The following TRPA1 variants were observed in gnomAD, a reference collection of about 807,000 sequenced individuals.
TRPA1 encodes ankyrin-like with transmembrane domains 1.
Under a neutral mutation model 131.3 loss-of-function variants are expected in TRPA1, and 129 were observed. That is an observed-to-expected ratio of 0.98 (90% CI 0.85 to 1.14). TRPA1 has a LOEUF of 1.14. Among genes scored for constraint, TRPA1 ranks in the 50% most tolerant of loss-of-function variants. TRPA1 has a pLI of 0.00. For synonymous variants in TRPA1, 441 were observed against 451.7 expected (o/e 0.98, Z 0.30); for missense variants, 1,304 against 1,354.2 (o/e 0.96, Z 0.58).
At chr8:72,086,681 T>A in the TRPA1 span, among the ~76,000 whole-genome samples, 1 of 152,226 alleles carries the variant, frequency 6.6e-6, no homozygotes, top group Non-Finnish European at 1.5e-5. Flanking sequence ...TCTTTTAGAA[T>A]TTTTATATTC....
rs145214612 is a variant in TRPA1 at position 72,022,571 on chromosome 8, G to T, written c.*335C>A. ...AAGCAGGAATTCAGTACTGACATTT[G>T]CATTTTAGCTTAATAGTTACATTTA... On this transcript the variant is annotated 3_prime_UTR_variant, in exon 27 of 27. Coordinates refer to ENST00000262209, the MANE Select transcript of TRPA1 (RefSeq NM_007332.3). 3.9e-5 allele frequency: 15 copies of T among 389,006 alleles called. No homozygotes were observed. The East Asian group carries it at 9.2e-4, about 24-fold the overall frequency. The allele number at this position is 389,006 out of a possible 1,614,324, so 24.1% of individuals were successfully genotyped here. A position where few individuals can be genotyped will look rare whatever the true frequency, so the allele number is the denominator to read the frequency against.
chr8:72,046,174 C>A (rs896281222), intron 17 of TRPA1, among the ~76,000 whole-genome samples: 6 of 151,830 alleles, frequency 4.0e-5, no homozygotes, highest in Non-Finnish European at 4.4e-5. Context: ...TCTTATGTGA[C>A]CATTAGAAAT....
At chr8:72,063,068 G>T in intron 5 of TRPA1, 124 bp from the exon 6 acceptor site, 9 of 989,128 alleles carry the variant, frequency 9.1e-6, no homozygotes, top group Non-Finnish European at 1.3e-5. Context: ...ATAAAAGCTT[G>T]TGTTTAATTC....
At chr8:72,082,507 A>G in the TRPA1 span, among the ~76,000 whole-genome samples, 1 of 152,054 alleles carries the variant, frequency 6.6e-6, no homozygotes, top group Non-Finnish European at 1.5e-5. Flanking sequence ...TTTTCTTTCA[A>G]TATGAAGGAT....
chr8:72,034,079 AC>A (rs1464286093), intron 22 of TRPA1, among the ~76,000 whole-genome samples, 168 bp downstream of exon 22: 3 of 152,190 alleles, frequency 2.0e-5, no homozygotes, highest in Non-Finnish European at 4.4e-5. Context: ...ACACGACTAT[AC>A]TTTTTTCTGC....
At chr8:72,075,635 C>G, upstream of TRPA1, 1 of 561,536 alleles carries the variant, frequency 1.8e-6, no homozygotes. Flanking sequence ...GCAGGCGGGG[C>G]GCGGAGAGGA....
At position 72,055,678 on chromosome 8, in the gene TRPA1, A is replaced by C. The variant is rs1236285795; in HGVS notation, c.1364+8T>G. Reference sequence around the variant, plus strand: ...GACATGTTCATACATTGCTAGACTGACCCTTACCTGGCTGCAAAATGCAGA... The same window carrying C: ...GACATGTTCATACATTGCTAGACTGCCCCTTACCTGGCTGCAAAATGCAGA... On this transcript the variant is annotated splice_region_variant and intron_variant, in intron 11 of 26. Coordinates refer to ENST00000262209, the MANE Select transcript of TRPA1 (RefSeq NM_007332.3). 6.2e-7 allele frequency: 1 copy of C among 1,613,620 alleles called. No homozygotes were observed. The highest frequency in any genetic ancestry group is 1.7e-5 in the Admixed American group (1 of 59,926).
At position 72,043,121 on chromosome 8, in the gene TRPA1, C is replaced by T. The variant is rs141031478; in HGVS notation, c.2062-3324G>A. On this transcript the variant is annotated intron_variant, in intron 17 of 26. Coordinates refer to ENST00000262209, the MANE Select transcript of TRPA1 (RefSeq NM_007332.3). ...CAAATTCTCCTTTAAAATACTGGAA[C>T]ATCGGGATAAGGCCATAGTTCTCAC... is the stretch of plus-strand genomic sequence containing the variant. Among the ~76,000 whole-genome samples, 919 of 151,882 alleles carry T rather than the reference C, an allele frequency of 6.1e-3. 16 individuals are homozygous for T. The highest frequency in any genetic ancestry group is 0.02 in the African/African-American group (848 of 41,486).
upstream of TRPA1, among the ~76,000 whole-genome samples, chr8:72,076,114 C>A (rs550949604): frequency 6.6e-6 from 1 of 152,274 alleles, no homozygotes; most frequent in South Asian, 2.1e-4. Context: ...ACAATAGCTA[C>A]ATCCTAGCAC....
intron 18 of TRPA1, among the ~76,000 whole-genome samples, chr8:72,039,255 G>A (rs10504523): frequency 0.22 from 33,986 of 151,832 alleles, 4,104 homozygotes; most frequent in Middle Eastern, 0.41. Flanking sequence ...CAGGATGTTA[G>A]CCCATATAAT....
chr8:72,061,799 C>A (rs1180891780), intron 6 of TRPA1, 38 bp from the exon 7 acceptor site: 1 of 1,609,278 alleles, frequency 6.2e-7, no homozygotes, highest in Admixed American at 1.7e-5. Context: ...ATGTTTAAAT[C>A]TCAATGAAAG....
chr8:72,036,031 GA>G (rs1435095847), intron 21 of TRPA1, among the ~76,000 whole-genome samples: 1 of 95,166 alleles, frequency 1.1e-5, no homozygotes, highest in Non-Finnish European at 2.1e-5. Context: ...AAAAAAAAAA[GA>G]AGAAGAAGAA....
intron 11 of TRPA1, 35 bp downstream of exon 11, chr8:72,055,651 A>T: frequency 3.7e-6 from 6 of 1,613,686 alleles, no homozygotes; most frequent in Non-Finnish European, 5.1e-6. Context: ...AAACAGAAAG[A>T]AGACATGTTC....
intron 4 of TRPA1, among the ~76,000 whole-genome samples, chr8:72,064,438 T>C (rs1204506228): frequency 6.6e-6 from 1 of 152,032 alleles, no homozygotes. Flanking sequence ...TGTAGTATTT[T>C]CAACAATACT....
chr8:72,045,378 G>A (rs776142121), intron 17 of TRPA1, among the ~76,000 whole-genome samples: 7 of 151,696 alleles, frequency 4.6e-5, no homozygotes, highest in Admixed American at 2.0e-4. Flanking sequence ...GAGCAGTGTC[G>A]TCTAATAGAA....
intron 4 of TRPA1, among the ~76,000 whole-genome samples, chr8:72,065,111 G>C (rs552829112): frequency 1.3e-5 from 2 of 152,186 alleles, no homozygotes; most frequent in South Asian, 4.2e-4. Context: ...TCATACATTT[G>C]ATCCATCTTT....
intron 24 of TRPA1, among the ~76,000 whole-genome samples, chr8:72,026,653 T>C (rs941869524): frequency 2.0e-5 from 3 of 152,236 alleles, no homozygotes; most frequent in African/African-American, 7.2e-5. Flanking sequence ...TTCTCTATGA[T>C]GAATTTTAAG....
Position 72,046,559 on chromosome 8 carries a change from T to G in TRPA1, c.2015A>C (p.Lys672Thr). ...YLQCPLEFTKKTPTQDVIYEP... is the reference protein window; with the variant it reads ...YLQCPLEFTKTTPTQDVIYEP... Reference sequence around the variant, plus strand: ...ATATATAACATCCTGTGTAGGTGTTTTTTTGGTGAATTCTAATGGACATTG... The same window carrying G: ...ATATATAACATCCTGTGTAGGTGTTGTTTTGGTGAATTCTAATGGACATTG... The change falls in exon 17 of 27, where the codon AAA (lysine) becomes ACA (threonine). Residue 672 changes from lysine to threonine, a missense_variant. By Grantham distance (78) the Lys-to-Thr change is moderately conservative. Transcript: ENST00000262209. The G allele has an allele frequency of 6.2e-7, 1 of 1,601,948 alleles. No homozygotes were observed.
chr8:72,039,858 A>G, intron 17 of TRPA1, 61 bp from the exon 18 acceptor site: 1 of 1,069,588 alleles, frequency 9.3e-7, no homozygotes, highest in Non-Finnish European at 1.5e-6. Flanking sequence ...AGTATAAACT[A>G]ATCTATTTAT....
Sources: allele counts gnomAD v4.1 joint callset (sites outside exome capture counted in the v4.1 genomes callset), GRCh38; gene constraint gnomAD v4.1.1; transcripts MANE v1.5; gene names NCBI Gene and HGNC (gene_info 2026-07-23, HGNC 2026-07-21).